Variants in MARF1 observed in about 807,000 individuals in gnomAD.
MARF1 encodes meiosis regulator and mRNA stability factor 1, also known as limkain-b1.
A neutral mutation model predicts 168.2 loss-of-function variants in MARF1; 24 were observed. That is an observed-to-expected ratio of 0.14 (90% confidence interval 0.10 to 0.20). The LOEUF is 0.20. Ranked by LOEUF, MARF1 falls within the 10% of genes least tolerant of loss-of-function variation. The pLI, the probability that MARF1 is intolerant of heterozygous loss-of-function variation, is 1.00. For missense variants in MARF1, 1,744 were observed against 2,143.6 expected (o/e 0.81, Z 3.68); for synonymous variants, 868 against 822.4 (o/e 1.06, Z -0.95).
At chr16:15,600,907 G>T (rs1187807262) in intron 23 of MARF1, 3 of 706,146 alleles carry the variant, frequency 4.2e-6, no homozygotes, top group Non-Finnish European at 7.7e-6. Context: ...AAGCAGAGTA[G>T]TTCAAAAATC....
chr16:15,608,211 G>A (rs1191879090), intron 21 of MARF1, 80 bp downstream of exon 21: 33 of 880,286 alleles, frequency 3.7e-5, no homozygotes, highest in East Asian at 1.0e-4. Flanking sequence ...TACAGCACAC[G>A]CAAACGTCCT....
chr16:15,640,482 T>C (rs537517244), intron 1 of MARF1, among the ~76,000 whole-genome samples: 51 of 152,318 alleles, frequency 3.3e-4, no homozygotes, highest in African/African-American at 5.5e-4. Flanking sequence ...GGTGGGTGGA[T>C]TGCTTGAGCC....
Position 15,625,645 on chromosome 16 carries a change from A to T in MARF1, c.1680T>A (p.Ser560Arg). ...SAILRFINQDSAERAQKRMEN... is the reference protein window; with the variant it reads ...SAILRFINQDRAERAQKRMEN... ...CCATTCGCTTCTGAGCGCGCTCTGC[A>T]CTATCTTGGTTTATGAAGCGGAGAA... Residue 560 changes from serine to arginine, a missense_variant, in exon 8 of 27, where the codon AGT becomes AGA. Coordinates refer to ENST00000396368, the MANE Select transcript of MARF1 (RefSeq NM_014647.4). 1.9e-6 allele frequency: 3 copies of T among 1,614,240 alleles called. No individual in the cohort carries two copies. Among genetic ancestry groups the T allele is most frequent in the Non-Finnish European group, 2.5e-6 (3 of 1,180,048 alleles).
Position 15,639,299 on chromosome 16 carries a change from G to C in MARF1, c.-58-8C>G. The C allele has an allele frequency of 6.6e-7, 1 of 1,521,510 alleles. No homozygotes were observed. Among genetic ancestry groups the C allele is most frequent in the South Asian group, 1.3e-5 (1 of 79,854 alleles). The allele number at this position is 1,521,510 out of a possible 1,614,324, so 94.3% of individuals were successfully genotyped here. A position where few individuals can be genotyped will look rare whatever the true frequency, so the allele number is the denominator to read the frequency against. ...TTCTTTCATTCTTCCACCCTGTTAA[G>C]AATGAGTAAGATTTCAGTGTTATTT... On this transcript the variant is annotated splice_polypyrimidine_tract_variant and splice_region_variant and intron_variant, in intron 1 of 26. Coordinates refer to ENST00000396368, the MANE Select transcript of MARF1 (RefSeq NM_014647.4).
At chr16:15,642,548 C>G (rs1012557005) in intron 1 of MARF1, 1 of 152,204 alleles carries the variant, frequency 6.6e-6, no homozygotes, top group African/African-American at 2.4e-5. Flanking sequence ...AGGTGTATCA[C>G]GAGGTCGCGT....
intron 19 of MARF1, chr16:15,610,464 C>T (rs1231083252): frequency 2.0e-5 from 3 of 153,008 alleles, no homozygotes; most frequent in Non-Finnish European, 4.4e-5. Context: ...AAAATTGGCC[C>T]CCAGTATCCA....
chr16:15,622,049 T>C, intron 11 of MARF1, 138 bp from the exon 12 acceptor site: 4 of 735,374 alleles, frequency 5.4e-6, no homozygotes, highest in Non-Finnish European at 8.8e-6. Context: ...TCTGCTCTTC[T>C]GCTGACCAGG....
intron 11 of MARF1, among the ~76,000 whole-genome samples, chr16:15,622,369 A>G (rs1596477744): frequency 6.6e-6 from 1 of 151,994 alleles, no homozygotes; most frequent in East Asian, 1.9e-4. Flanking sequence ...AAATCCATCA[A>G]TGTTTTACTT....
intron 20 of MARF1, chr16:15,608,810 G>T: frequency 2.4e-6 from 1 of 417,240 alleles, no homozygotes; most frequent in Admixed American, 4.0e-5. Flanking sequence ...AGTAAAAAAA[G>T]AAAATAAAAT....
At chr16:15,603,329 A>G (rs1328281242) in intron 22 of MARF1, among the ~76,000 whole-genome samples, 1 of 151,940 alleles carries the variant, frequency 6.6e-6, no homozygotes, top group Non-Finnish European at 1.5e-5. Context: ...TTTCTTTTTC[A>G]GCAGCCTAGA....
chr16:15,635,116 A>C (rs898874253), intron 3 of MARF1, 185 bp from the exon 4 acceptor site: 1 of 556,812 alleles, frequency 1.8e-6, no homozygotes, highest in East Asian at 2.9e-5. Context: ...ATTCATTTCC[A>C]GAAGTGACTT....
rs1470435287 is a variant in MARF1 at position 15,630,334 on chromosome 16, G to C, written c.1522C>G (p.Pro508Ala). The C allele has an allele frequency of 6.3e-7, 1 of 1,595,344 alleles. No individual in the cohort carries two copies. Among genetic ancestry groups the C allele is most frequent in the African/African-American group, 1.3e-5 (1 of 74,306 alleles). ...DLPPRLPLKM[P>A]QCHTLLYVYN... ...AAAAATAACGCAAACCCACTTACTGGCATTTTTAGTGGTAACCTGGGGGGC... is the reference window on the plus strand; with the variant it reads ...AAAAATAACGCAAACCCACTTACTGCCATTTTTAGTGGTAACCTGGGGGGC... The change falls in exon 7 of 27, where the codon CCA becomes GCA. Residue 508 changes from proline (P) to alanine (A), a missense_variant and splice_region_variant. Pro to Ala is a conservative substitution (Grantham distance 27). This residue lies in a region of MARF1 where 217 missense variants were observed against 372.4 expected (regional missense o/e 0.58). Transcript: ENST00000396368.
chr16:15,596,595 GT>G lies in MARF1; in HGVS notation c.*97del. The G allele has an allele frequency of 7.6e-7, 1 of 1,307,592 alleles. No homozygotes were observed. Among genetic ancestry groups the G allele is most frequent in the Non-Finnish European group, 1.0e-6 (1 of 972,400 alleles). The allele number at this position is 1,307,592 out of a possible 1,614,324, so 81.0% of individuals were successfully genotyped here. A position where few individuals can be genotyped will look rare whatever the true frequency, so the allele number is the denominator to read the frequency against. On this transcript the variant is annotated 3_prime_UTR_variant, in exon 27 of 27. Transcript: ENST00000396368. ...AAGATGAAGTCAATGGCTTCGGGGGGTTTTCATGACACAGAAAAGGATGTAT... is the reference window on the plus strand; with the variant it reads ...AAGATGAAGTCAATGGCTTCGGGGGGTTTCATGACACAGAAAAGGATGTAT...
chr16:15,625,283 G>C, intron 8 of MARF1, 89 bp downstream of exon 8: 1 of 1,546,248 alleles, frequency 6.5e-7, no homozygotes, highest in African/African-American at 1.4e-5. Context: ...AAATCAAAAA[G>C]GGACACGCCA....
intron 3 of MARF1, chr16:15,635,446 A>T: frequency 1.8e-6 from 1 of 562,524 alleles, no homozygotes; most frequent in Non-Finnish European, 3.1e-6. Context: ...TATAAACTAC[A>T]AAAATAATGA....
At chr16:15,635,389 C>A in intron 3 of MARF1, 1 of 490,814 alleles carries the variant, frequency 2.0e-6, no homozygotes, top group Non-Finnish European at 3.6e-6. Context: ...AAACATAGAA[C>A]ACGAAGGCTT....
In MARF1 at chr16:15,596,690, G is replaced by C. The variant is rs899120131; in HGVS notation, c.*3C>G. The C allele has an allele frequency of 1.3e-6, 2 of 1,578,748 alleles. No homozygotes were observed. The highest frequency in any genetic ancestry group is 1.4e-5 in the African/African-American group (1 of 74,066). On this transcript the variant is annotated 3_prime_UTR_variant, in exon 27 of 27. Transcript: ENST00000396368. ...CATCCTAATTCTATATTCCAAATGG[G>C]AGTTAAAGCTTGGTTATAGGTGCTA...
At chr16:15,599,060 C>T in intron 25 of MARF1, 36 bp from the exon 26 acceptor site, 2 of 1,599,116 alleles carry the variant, frequency 1.3e-6, no homozygotes, top group Non-Finnish European at 1.7e-6. Flanking sequence ...ACCACAGGAC[C>T]TCCACGCCCA....
chr16:15,606,619 G>T (rs996163029), intron 21 of MARF1, among the ~76,000 whole-genome samples: 5 of 151,984 alleles, frequency 3.3e-5, no homozygotes, highest in African/African-American at 1.2e-4. Flanking sequence ...TTCTATTCCT[G>T]ATGATAAACA....
Sources: gnomAD v4.1 joint callset for allele counts (sites outside exome capture counted in the v4.1 genomes callset) on GRCh38, gnomAD v4.1.1 for gene constraint, gnomAD v4.1.1 regional missense constraint, MANE v1.5 for transcripts, NCBI Gene and HGNC (gene_info 2026-07-23, HGNC 2026-07-21) for gene names.